Variants in PDGFRB observed in about 807,000 individuals in gnomAD.
PDGFRB encodes platelet derived growth factor receptor beta.
PDGFRB carries 42 observed loss-of-function variants against 120.2 expected under a neutral mutation model. That is an observed-to-expected ratio of 0.35 (90% CI 0.27 to 0.45). PDGFRB has a LOEUF of 0.45. Ranked by LOEUF, PDGFRB falls within the 20% of genes least tolerant of loss-of-function variation. The probability of loss-of-function intolerance (pLI) is 1.00; values close to 1 mark genes in which losing one functional copy is unlikely to be tolerated. For missense variants in PDGFRB, 1,149 were observed against 1,476.3 expected (o/e 0.78, Z 3.63); for synonymous variants, 586 against 606.8 (o/e 0.97, Z 0.50).
rs1310388649 is a variant in PDGFRB, at chr5:150,137,056, G to A, written c.-6-3C>T. The A allele has an allele frequency of 6.2e-7, 1 of 1,612,988 alleles. No homozygotes were observed. Among genetic ancestry groups the A allele is most frequent in the Non-Finnish European group, 8.5e-7 (1 of 1,179,326 alleles). ...GCACCCGGAAGCCGCATGGTGTCCTGCAGAGTTAAACAGGAGTCAGGGCCC... is the reference window on the plus strand; with the variant it reads ...GCACCCGGAAGCCGCATGGTGTCCTACAGAGTTAAACAGGAGTCAGGGCCC... On this transcript the variant is annotated splice_polypyrimidine_tract_variant and splice_region_variant and intron_variant, in intron 1 of 22. Transcript: ENST00000261799.
In PDGFRB at chr5:150,124,749, T is replaced by C; in HGVS notation, c.1890A>G (p.Lys630=). 1 of 1,588,312 alleles carries C rather than the reference T, an allele frequency of 6.3e-7. No individual in the cohort carries two copies. The change falls in exon 13 of 23, where the codon AAA becomes AAG. Residue 630 remains lysine (K), a synonymous_variant. Transcript: ENST00000261799. ...CACATTTAAGCATCTTGACGGCCAC[T>C]TTCATCGTGGCCTGAGAATGGCTCA... The part of the protein sequence containing the change: ...HGLSHSQATM[K]VAVKMLKSTA...
In PDGFRB at chr5:150,148,287, T is replaced by C. The variant is rs567171564; in HGVS notation, c.-7+7110A>G. 1.4e-4 allele frequency among the ~76,000 whole-genome samples: 21 copies of C among 152,324 alleles called. No homozygotes were observed. In the East Asian group the frequency reaches 3.7e-3, roughly 27 times the overall value. On this transcript the variant is annotated intron_variant, in intron 1 of 22. Coordinates refer to ENST00000261799, the MANE Select transcript of PDGFRB (RefSeq NM_002609.4). Reference sequence around the variant, plus strand: ...ACAACGATCTGGACTCTCTTCAACTTCCTAATATGGAATTAGGCCTACAGT... The same window carrying C: ...ACAACGATCTGGACTCTCTTCAACTCCCTAATATGGAATTAGGCCTACAGT...
chr5:150,144,688 C>T (rs1236368347), intron 1 of PDGFRB, among the ~76,000 whole-genome samples: 1 of 152,190 alleles, frequency 6.6e-6, no homozygotes. Flanking sequence ...TCAGTGTGTG[C>T]CTCACGGCTG....
chr5:150,141,105 C>T (rs758650274), intron 1 of PDGFRB, among the ~76,000 whole-genome samples: 1 of 152,222 alleles, frequency 6.6e-6, no homozygotes, highest in African/African-American at 2.4e-5. Flanking sequence ...TCCTCTGAAA[C>T]ACATACGTAT....
intron 1 of PDGFRB, among the ~76,000 whole-genome samples, chr5:150,144,420 C>G (rs1382517904): frequency 6.6e-6 from 1 of 152,236 alleles, no homozygotes; most frequent in Non-Finnish European, 1.5e-5. Flanking sequence ...CCCTCACACT[C>G]GTCACTCACT....
chr5:150,119,890 G>A (rs1413083437), intron 19 of PDGFRB, 122 bp downstream of exon 19: 12 of 697,744 alleles, frequency 1.7e-5, no homozygotes, highest in African/African-American at 3.5e-5. Flanking sequence ...TAGCAGAGCT[G>A]GGACCTGAAC....
rs774899102 is a variant in PDGFRB at position 150,126,531 on chromosome 5, G to C, written c.1663C>G (p.Leu555Val). 3 of 1,590,000 alleles carry C rather than the reference G, an allele frequency of 1.9e-6. No individual in the cohort carries two copies. In the Admixed American group the frequency reaches 5.0e-5, roughly 27 times the overall value. ...AGGGAGGGGCTTACCTTCTGCCAAAGCATGATGAGGATGATAAGGGAGATG... is the reference window on the plus strand; with the variant it reads ...AGGGAGGGGCTTACCTTCTGCCAAACCATGATGAGGATGATAAGGGAGATG... ...TIISLIILIM[L>V]WQKKPRYEIR... Residue 555 changes from leucine (L) to valine (V), a missense_variant, in exon 11 of 23, where the codon CTT (leucine) becomes GTT (valine). This residue lies in a region of PDGFRB where 879 missense variants were observed against 1,108.6 expected (regional missense o/e 0.79). Coordinates refer to ENST00000261799, the MANE Select transcript of PDGFRB (RefSeq NM_002609.4).
intron 21 of PDGFRB, 36 bp downstream of exon 21, chr5:150,118,711 C>A (rs1326814125): frequency 7.9e-7 from 1 of 1,264,318 alleles, no homozygotes; most frequent in Non-Finnish European, 1.2e-6. Context: ...TGCACCAGAG[C>A]TCTCCGTGCT....
At position 150,117,715 on chromosome 5, in the gene PDGFRB, G is replaced by T. The variant is rs1453560666; in HGVS notation, c.3040C>A (p.Pro1014Thr). The T allele has an allele frequency of 1.2e-6, 2 of 1,613,556 alleles. No homozygotes were observed. Among genetic ancestry groups the T allele is most frequent in the Non-Finnish European group, 1.7e-6 (2 of 1,179,490 alleles). Residue 1014 changes from proline (P) to threonine (T), a missense_variant, in exon 22 of 23, where the codon CCC (proline) becomes ACC (threonine). Transcript: ENST00000261799. ...TSSVLYTAVQPNEGDNDYIIP... is the reference protein window; with the variant it reads ...TSSVLYTAVQTNEGDNDYIIP... ...ATATAGTCGTTGTCACCCTCATTGG[G>T]CTGCACGGCAGTATAGAGGACGGAG... is the stretch of plus-strand genomic sequence containing the variant.
At chr5:150,136,788 G>A (rs914006452) in intron 2 of PDGFRB, among the ~76,000 whole-genome samples, 3 of 152,174 alleles carry the variant, frequency 2.0e-5, no homozygotes, top group Admixed American at 6.5e-5. Context: ...TTGAGCTGAT[G>A]GTTCTGGACA....
rs199897509 is a variant in PDGFRB, at chr5:150,131,961, G to A, written c.1243+18C>T. 18 of 1,283,838 alleles carry A rather than the reference G, an allele frequency of 1.4e-5. No individual in the cohort carries two copies. The highest frequency in any genetic ancestry group is 5.9e-5 in the South Asian group (5 of 84,250). The allele number at this position is 1,283,838 out of a possible 1,614,324, so 79.5% of individuals were successfully genotyped here. On this transcript the variant is annotated intron_variant, in intron 8 of 22. Coordinates refer to ENST00000261799, the MANE Select transcript of PDGFRB (RefSeq NM_002609.4). ...GGAGGGGAAGGAGCAGGGACATGGC[G>A]AGGGGCGTGCTCATCACCATTGATC...
intron 1 of PDGFRB, among the ~76,000 whole-genome samples, chr5:150,147,349 T>C (rs1580821116): frequency 6.6e-6 from 1 of 152,090 alleles, no homozygotes; most frequent in South Asian, 2.1e-4. Flanking sequence ...CTGAGAGGGG[T>C]CCCAGGCTGA....
At chr5:150,139,965 T>A (rs1580814761) in intron 1 of PDGFRB, among the ~76,000 whole-genome samples, 1 of 144,560 alleles carries the variant, frequency 6.9e-6, no homozygotes, top group Non-Finnish European at 1.5e-5. Flanking sequence ...GGTGACAGAG[T>A]GAGACTCTGT....
In PDGFRB at chr5:150,118,777, G is replaced by A. The variant is rs773161073; in HGVS notation, c.2874C>T (p.Leu958=). The change falls in exon 21 of 23, where the codon CTC becomes CTT. Residue 958 remains leucine (L), a synonymous_variant. Transcript: ENST00000261799. The part of the protein sequence containing the change: ...RPPFSQLVLL[L]ERLLGEGYKK... Reference sequence around the variant, plus strand: ...TGTAACCTTCGCCCAACAGTCTCTCGAGAAGCAGCACCAGCTGGGAGAAGG... The same window carrying A: ...TGTAACCTTCGCCCAACAGTCTCTCAAGAAGCAGCACCAGCTGGGAGAAGG... 1.5e-5 allele frequency: 24 copies of A among 1,612,758 alleles called. No homozygotes were observed. The highest frequency in any genetic ancestry group is 5.0e-5 in the Admixed American group (3 of 60,004).
Position 150,123,124 on chromosome 5 carries a change from G to A in PDGFRB, c.2101C>T (p.Leu701=). Residue 701 remains leucine, a synonymous_variant, in exon 15 of 23, where the codon CTG becomes TTG. Transcript: ENST00000261799. ...CGGCGCTTGTCGGAGTGGTGCTGCA[G>A]GAAGGTGTGTTTGTTGCGGTGCAGG... ...DYLHRNKHTF[L]QHHSDKRRPP... 2 of 1,614,030 alleles carry A rather than the reference G, an allele frequency of 1.2e-6. No homozygotes were observed. Among genetic ancestry groups the A allele is most frequent in the Non-Finnish European group, 1.7e-6 (2 of 1,179,962 alleles).
At chr5:150,134,337 T>C (rs532604535) in intron 4 of PDGFRB, among the ~76,000 whole-genome samples, 6 of 152,320 alleles carry the variant, frequency 3.9e-5, no homozygotes, top group African/African-American at 1.4e-4. Context: ...CTCTCCATCT[T>C]TTATTTAATC....
chr5:150,116,007 G>T, intron 22 of PDGFRB, 61 bp from the exon 23 acceptor site: 2 of 1,459,054 alleles, frequency 1.4e-6, no homozygotes, highest in Non-Finnish European at 1.9e-6. Context: ...TCCAGCAGCA[G>T]TCATGAAGAG....
At chr5:150,141,286 T>C (rs1289722191) in intron 1 of PDGFRB, among the ~76,000 whole-genome samples, 1 of 152,212 alleles carries the variant, frequency 6.6e-6, no homozygotes, top group Non-Finnish European at 1.5e-5. Flanking sequence ...CATGTGCACA[T>C]AGAACCCCAA....
At chr5:150,139,854 C>T (rs1243722473) in intron 1 of PDGFRB, among the ~76,000 whole-genome samples, 2 of 152,114 alleles carry the variant, frequency 1.3e-5, no homozygotes, top group Non-Finnish European at 2.9e-5. Flanking sequence ...GTGGCAAGTG[C>T]CTGTAGTCCC....
Sources: allele counts gnomAD v4.1 joint callset (sites outside exome capture counted in the v4.1 genomes callset), GRCh38; gene constraint gnomAD v4.1.1; regional missense constraint gnomAD v4.1.1; transcripts MANE v1.5; gene names NCBI Gene and HGNC (gene_info 2026-07-23, HGNC 2026-07-21).